The following IMPG2 variants were observed in gnomAD, a reference collection of about 807,000 sequenced individuals.
The protein encoded by IMPG2 is IPM 200.
IMPG2 carries 91 observed loss-of-function variants against 129.2 expected under a neutral mutation model. The ratio of observed to expected loss-of-function variants is 0.70; its 90% CI spans 0.59 to 0.84. The LOEUF (loss-of-function observed/expected upper bound fraction) is 0.84. Among genes scored for constraint, IMPG2 ranks in the 40% least tolerant of loss-of-function variants. IMPG2 has a pLI of 0.00. For missense variants in IMPG2, 1,430 were observed against 1,461.7 expected, an observed-to-expected ratio of 0.98 and a Z score of 0.35; for synonymous variants, 510 against 517.7, an observed-to-expected ratio of 0.99 and a Z score of 0.20.
At chr3:101,300,660 C>T (rs1288414828) in intron 3 of IMPG2, among the ~76,000 whole-genome samples, 2 of 152,240 alleles carry the variant, frequency 1.3e-5, no homozygotes, top group African/African-American at 4.8e-5. Flanking sequence ...CTTCCTTCCT[C>T]TCCGTGGGTC....
At chr3:101,264,274 C>G (rs1266968980) in intron 9 of IMPG2, among the ~76,000 whole-genome samples, 1 of 152,038 alleles carries the variant, frequency 6.6e-6, no homozygotes, top group African/African-American at 2.4e-5. Context: ...GGCAAAATCC[C>G]TGATGAACAC....
In IMPG2 at chr3:101,245,946, G is replaced by C; in HGVS notation, c.1399C>G (p.Pro467Ala). Residue 467 changes from proline to alanine, a missense_variant, in exon 12 of 19, where the codon CCC (proline) becomes GCC (alanine). Coordinates refer to ENST00000193391, the MANE Select transcript of IMPG2 (RefSeq NM_016247.4). ...DLVSTHKLAF[P>A]SKMGLSSSPE... ...GAAGAGCTGAGGCCCATCTTCGAGG[G>C]AAAGGCTAATTTGTGTGTAGACACT... The C allele has an allele frequency of 6.2e-7, 1 of 1,614,134 alleles. No individual in the cohort carries two copies. Among genetic ancestry groups the C allele is most frequent in the Non-Finnish European group, 8.5e-7 (1 of 1,180,010 alleles).
rs36091939 is a variant in IMPG2, at chr3:101,229,138, CAAA to C, written c.3633+239_3633+241del. Among the ~76,000 whole-genome samples the C allele has an allele frequency of 1.1e-3, 148 of 132,934 alleles. 1 individual carries two copies. The highest frequency in any genetic ancestry group is 4.2e-3 in the Middle Eastern group (1 of 238). 87.2% of individuals were successfully genotyped at this position (132,934 alleles called of 152,430 possible). ...AAGGAGAGAGTACCAGTTAATAACG[CAAA>C]AAAAAAAAAAAAGCGCCATTGTGGG... On this transcript the variant is annotated intron_variant, in intron 17 of 18. Transcript: ENST00000193391.
rs776606279 is a variant in IMPG2, at chr3:101,228,774, G to C, written c.3713+23C>G. The C allele has an allele frequency of 7.6e-6, 12 of 1,586,146 alleles. No individual in the cohort carries two copies. The African/African-American group carries it at 1.3e-4, about 18-fold the overall frequency. On this transcript the variant is annotated intron_variant, in intron 18 of 18. Transcript: ENST00000193391. ...AACTGTTAAGTCTGTAGGTCGGGGT[G>C]GGGGGCTGTTTCAAAAGCTTACACT...
intron 9 of IMPG2, 90 bp downstream of exon 9, chr3:101,267,421 T>C: frequency 1.8e-6 from 2 of 1,085,818 alleles, no homozygotes; most frequent in Non-Finnish European, 2.8e-6. Flanking sequence ...GATATAATAT[T>C]TGAGTTATGC....
intron 8 of IMPG2, among the ~76,000 whole-genome samples, chr3:101,268,937 G>C (rs529839367): frequency 5.9e-5 from 9 of 152,230 alleles, no homozygotes; most frequent in African/African-American, 1.7e-4. Context: ...TATCTATCCT[G>C]AGAGGGCTGA....
At position 101,243,830 on chromosome 3, in the gene IMPG2, C is replaced by T. The variant is rs1706438053; in HGVS notation, c.2501G>A (p.Gly834Asp). 1 of 1,614,164 alleles carries T rather than the reference C, an allele frequency of 6.2e-7. No homozygotes were observed. ...CAGTTCTAACGAAATATCCTGTACA[C>T]CCATAATTACTTCATCCTCTAGCAG... is the stretch of plus-strand genomic sequence containing the variant. ...STLLEDEVIM[G>D]VQDISLELDR... Residue 834 changes from glycine (G) to aspartate (D), a missense_variant, in exon 13 of 19, where the codon GGT becomes GAT. Transcript: ENST00000193391.
chr3:101,266,654 G>T (rs891241097), intron 9 of IMPG2, among the ~76,000 whole-genome samples: 1 of 152,102 alleles, frequency 6.6e-6, no homozygotes, highest in Non-Finnish European at 1.5e-5. Context: ...AAATTCCAGA[G>T]ATTATCTCAA....
At position 101,232,821 on chromosome 3, in the gene IMPG2, C is replaced by T. The variant is rs1488107127; in HGVS notation, c.3193G>A (p.Gly1065Arg). 3.7e-5 allele frequency: 59 copies of T among 1,613,418 alleles called. No homozygotes were observed. Among genetic ancestry groups the T allele is most frequent in the Non-Finnish European group, 4.9e-5 (58 of 1,179,910 alleles). ...TGCCCAGGCATAATGTCACACTTTC[C>T]ATCATTCAAGCAGAAGTCAGGCTGT... Reference protein sequence around the residue: ...DLQPDFCLNDGKCDIMPGHGA... With the variant: ...DLQPDFCLNDRKCDIMPGHGA... Residue 1065 changes from glycine (G) to arginine (R), a missense_variant, in exon 15 of 19, where the codon GGA (glycine) becomes AGA (arginine). Transcript: ENST00000193391.
At chr3:101,284,746 C>T (rs895394504) in intron 4 of IMPG2, among the ~76,000 whole-genome samples, 17 of 152,138 alleles carry the variant, frequency 1.1e-4, no homozygotes, top group African/African-American at 3.9e-4. Context: ...CTTCCAATGC[C>T]ATCTGCTTAC....
At chr3:101,268,192 T>C (rs1706742235) in intron 8 of IMPG2, among the ~76,000 whole-genome samples, 1 of 152,202 alleles carries the variant, frequency 6.6e-6, no homozygotes, top group African/African-American at 2.4e-5. Context: ...ATTGTCTTTT[T>C]TATACAAACA....
rs1439715357 is a variant in IMPG2 at position 101,243,680 on chromosome 3, G to C, written c.2651C>G (p.Thr884Arg). ...ATAACTCAAGTCATCTCCTCCTTCT[G>C]TGGGCCAAGCCACACTAACCATCTC... ...STEMVSVAWP[T>R]EGGDDLSYTQ... Residue 884 changes from threonine (T) to arginine (R), a missense_variant, in exon 13 of 19, where the codon ACA (threonine) becomes AGA (arginine). Coordinates refer to ENST00000193391, the MANE Select transcript of IMPG2 (RefSeq NM_016247.4). 9.3e-6 allele frequency: 15 copies of C among 1,614,072 alleles called. No homozygotes were observed. The highest frequency in any genetic ancestry group is 1.3e-5 in the Non-Finnish European group (15 of 1,180,002).
In IMPG2 at chr3:101,316,139, C is replaced by T. The variant is rs529528264; in HGVS notation, c.334+3445G>A. Among the ~76,000 whole-genome samples the T allele has an allele frequency of 4.6e-5, 7 of 151,812 alleles. No individual in the cohort carries two copies. In the South Asian group the frequency reaches 1.2e-3, roughly 27 times the overall value. ...GAAGATTACAGTTTTAAGTCTAGAACCTAAAAACTGTAAAAATTCTACAGG... is the reference window on the plus strand; with the variant it reads ...GAAGATTACAGTTTTAAGTCTAGAATCTAAAAACTGTAAAAATTCTACAGG... On this transcript the variant is annotated intron_variant, in intron 2 of 18. Coordinates refer to ENST00000193391, the MANE Select transcript of IMPG2 (RefSeq NM_016247.4).
chr3:101,259,933 A>G lies in IMPG2; in HGVS notation c.909-2160T>C, dbSNP rs1706652303. Reference sequence around the variant, plus strand: ...AAGAATGCATGAGCCAGTCAATGCTATAATAATTGATTGGTCTGTTGGCAC... The same window carrying G: ...AAGAATGCATGAGCCAGTCAATGCTGTAATAATTGATTGGTCTGTTGGCAC... On this transcript the variant is annotated intron_variant, in intron 9 of 18. Transcript: ENST00000193391. 1.3e-5 allele frequency among the ~76,000 whole-genome samples: 2 copies of G among 152,160 alleles called. 1 individual carries two copies. The highest frequency in any genetic ancestry group is 4.1e-4 in the South Asian group (2 of 4,826).
rs1706191402 is a variant in IMPG2 at position 101,223,885 on chromosome 3, T to C, written c.*3084A>G. On this transcript the variant is annotated 3_prime_UTR_variant, in exon 19 of 19. Coordinates refer to ENST00000193391, the MANE Select transcript of IMPG2 (RefSeq NM_016247.4). ...CAGGTGCGGTGGCTCATGCCTGTAA[T>C]CCCAGCACTTTGGGAGGCCAAGGCA... The C allele has an allele frequency of 6.6e-6, 1 of 152,260 alleles. No individual in the cohort carries two copies. Among genetic ancestry groups the C allele is most frequent in the Non-Finnish European group, 1.5e-5 (1 of 68,070 alleles). 9.4% of individuals were successfully genotyped at this position (152,260 alleles called of 1,614,324 possible).
intron 9 of IMPG2, among the ~76,000 whole-genome samples, chr3:101,263,059 A>G (rs1422928934): frequency 6.6e-6 from 1 of 152,094 alleles, no homozygotes; most frequent in African/African-American, 2.4e-5. Context: ...AGCAACTATT[A>G]TTAGATATAA....
chr3:101,245,792 A>G lies in IMPG2; in HGVS notation c.1543+10T>C. The stretch of plus-strand genomic sequence containing the variant: ...AATAAGAAGTACGAAAAGCAATTAA[A>G]GTTTCTCACCATCTTCTACCAAGTG... On this transcript the variant is annotated intron_variant, in intron 12 of 18. Transcript: ENST00000193391. 1 of 1,612,116 alleles carries G rather than the reference A, an allele frequency of 6.2e-7. No individual in the cohort carries two copies. Among genetic ancestry groups the G allele is most frequent in the Non-Finnish European group, 8.5e-7 (1 of 1,178,226 alleles).
Position 101,291,654 on chromosome 3 carries a change from A to C in IMPG2, c.502-144T>G. The C allele has an allele frequency of 1.4e-5, 10 of 690,938 alleles. No individual in the cohort carries two copies. The South Asian group carries it at 1.5e-4, about 10-fold the overall frequency. 42.8% of individuals were successfully genotyped at this position (690,938 alleles called of 1,614,324 possible). A position where few individuals can be genotyped will look rare whatever the true frequency, so the allele number is the denominator to read the frequency against. On this transcript the variant is annotated intron_variant, in intron 3 of 18. Coordinates refer to ENST00000193391, the MANE Select transcript of IMPG2 (RefSeq NM_016247.4). ...CTATGGTTAGACAAGTGATTAAAAC[A>C]GGTAATAATGATACCAAGTTTGTTT...
chr3:101,236,915 C>A (rs945661133), intron 14 of IMPG2, among the ~76,000 whole-genome samples: 9 of 152,186 alleles, frequency 5.9e-5, no homozygotes, highest in Non-Finnish European at 8.8e-5. Flanking sequence ...GCCAAGTGGT[C>A]TAGCTCAGCG....
Sources: gnomAD v4.1 joint callset for allele counts (sites outside exome capture counted in the v4.1 genomes callset) on GRCh38, gnomAD v4.1.1 for gene constraint, MANE v1.5 for transcripts, NCBI Gene and HGNC (gene_info 2026-07-23, HGNC 2026-07-21) for gene names.